The following ADAM17 variants were observed in gnomAD, a reference collection of about 807,000 sequenced individuals.
ADAM17 encodes the protein ADAM metallopeptidase domain 17, also known as disintegrin and metalloproteinase domain-containing protein 17.
Under a neutral mutation model 96.7 loss-of-function variants are expected in ADAM17, and 39 were observed. That is an observed-to-expected ratio of 0.40 (90% CI 0.31 to 0.53). The LOEUF (loss-of-function observed/expected upper bound fraction) is 0.53, where lower values mean the gene tolerates loss of function less well. Ranked by LOEUF, ADAM17 falls within the 20% of genes least tolerant of loss-of-function variation. ADAM17 has a pLI of 0.44. For missense variants in ADAM17, 777 were observed against 1,013.2 expected (o/e 0.77, Z 3.17); for synonymous variants, 344 against 359.2 (o/e 0.96, Z 0.48).
intron 18 of ADAM17, 46 bp from the exon 19 acceptor site, chr2:9,490,564 TCG>T: frequency 6.5e-7 from 1 of 1,531,876 alleles, no homozygotes; most frequent in East Asian, 2.3e-5. Context: ...AAAAGATGAA[TCG>T]GAGGTCCTCA....
chr2:9,539,030 A>G (rs1665097141), intron 2 of ADAM17, among the ~76,000 whole-genome samples: 1 of 152,194 alleles, frequency 6.6e-6, no homozygotes, highest in African/African-American at 2.4e-5. Flanking sequence ...TTCCAAAAAA[A>G]TTCAGGCAAC....
chr2:9,510,461 C>T (rs933692979), intron 10 of ADAM17, among the ~76,000 whole-genome samples: 30 of 151,748 alleles, frequency 2.0e-4, no homozygotes, highest in Non-Finnish European at 2.2e-4. Context: ...GTCAGGAGTT[C>T]GAGACCAGCC....
At chr2:9,502,496 G>C (rs981073669) in intron 12 of ADAM17, among the ~76,000 whole-genome samples, 2 of 152,118 alleles carry the variant, frequency 1.3e-5, no homozygotes, top group Admixed American at 6.5e-5. Flanking sequence ...CACACTATAG[G>C]AGAAAAGAAT....
Position 9,532,551 on chromosome 2 carries a change from A to G in ADAM17, c.450+3283T>C, listed in dbSNP as rs537861898. Among the ~76,000 whole-genome samples the G allele has an allele frequency of 7.9e-5, 12 of 152,194 alleles. No homozygotes were observed. In the East Asian group the frequency reaches 2.3e-3, roughly 29 times the overall value. ...CAGCAGTACAATCTCAGCTCACTGC[A>G]GTCTCCGCCTTCCGAATTCAACTGA... On this transcript the variant is annotated intron_variant, in intron 4 of 18. Coordinates refer to ENST00000310823, the MANE Select transcript of ADAM17 (RefSeq NM_003183.6).
rs1664293484 is a variant in ADAM17 at position 9,521,171 on chromosome 2, G to A, written c.957+32C>T. On this transcript the variant is annotated intron_variant, in intron 8 of 18. Transcript: ENST00000310823. Reference sequence around the variant, plus strand: ...CACATATCAGAAATGACAAAGTGGTGTTAGCACCATATCCAGGATTCTAAG... The same window carrying A: ...CACATATCAGAAATGACAAAGTGGTATTAGCACCATATCCAGGATTCTAAG... 2 of 1,471,384 alleles carry A rather than the reference G, an allele frequency of 1.4e-6. 1 individual carries two copies. The allele number at this position is 1,471,384 out of a possible 1,614,324, so 91.1% of individuals were successfully genotyped here.
intron 5 of ADAM17, among the ~76,000 whole-genome samples, chr2:9,527,099 G>GT (rs1309100904): frequency 6.6e-6 from 1 of 152,088 alleles, no homozygotes; most frequent in African/African-American, 2.4e-5. Flanking sequence ...GAGGTGGGCA[G>GT]ATCACTTGAG....
intron 4 of ADAM17, among the ~76,000 whole-genome samples, chr2:9,535,209 T>C (rs776520517): frequency 6.6e-6 from 1 of 152,244 alleles, no homozygotes; most frequent in Non-Finnish European, 1.5e-5. Flanking sequence ...TGATCTATTT[T>C]AGTGATATCA....
At position 9,489,710 on chromosome 2, in the gene ADAM17, G is replaced by C. The variant is rs1034868728; in HGVS notation, c.*467C>G. On this transcript the variant is annotated 3_prime_UTR_variant, in exon 19 of 19. Transcript: ENST00000310823. Reference sequence around the variant, plus strand: ...AATGTATACTAGATTTATCTCCTTTGTTTTTAGTTGAAGGCAAAAAAAAAA... The same window carrying C: ...AATGTATACTAGATTTATCTCCTTTCTTTTTAGTTGAAGGCAAAAAAAAAA... 2 of 60,324 alleles carry C rather than the reference G, an allele frequency of 3.3e-5. No homozygotes were observed. The highest frequency in any genetic ancestry group is 6.3e-5 in the Non-Finnish European group (2 of 31,824). 3.7% of individuals were successfully genotyped at this position (60,324 alleles called of 1,614,324 possible). A position where few individuals can be genotyped will look rare whatever the true frequency, so the allele number is the denominator to read the frequency against.
chr2:9,545,641 T>G (rs1171166958), intron 1 of ADAM17, among the ~76,000 whole-genome samples: 1 of 152,162 alleles, frequency 6.6e-6, no homozygotes, highest in Non-Finnish European at 1.5e-5. Flanking sequence ...AAAAAAACTT[T>G]AGCCACAAAG....
intron 10 of ADAM17, among the ~76,000 whole-genome samples, chr2:9,516,955 T>C (rs539346386): frequency 1.3e-5 from 2 of 152,150 alleles, no homozygotes; most frequent in Non-Finnish European, 2.9e-5. Context: ...CAGTAACATA[T>C]AAACAAAAGC....
intron 8 of ADAM17, among the ~76,000 whole-genome samples, chr2:9,519,759 A>G (rs767568856): frequency 6.6e-6 from 1 of 151,756 alleles, no homozygotes; most frequent in Non-Finnish European, 1.5e-5. Context: ...ACACAGGGAG[A>G]AGACAGCATC....
intron 4 of ADAM17, among the ~76,000 whole-genome samples, chr2:9,530,094 C>A (rs1481122038): frequency 1.2e-4 from 19 of 152,068 alleles, no homozygotes. Context: ...CTTTGGTAAT[C>A]CATGTATGAG....
At chr2:9,505,002 C>T (rs1663298126) in intron 12 of ADAM17, among the ~76,000 whole-genome samples, 164 bp downstream of exon 12, 1 of 152,110 alleles carries the variant, frequency 6.6e-6, no homozygotes, top group South Asian at 2.1e-4. Flanking sequence ...CCGTGCCAGG[C>T]CCAGAAAGCA....
chr2:9,510,557 G>A (rs899351364), intron 10 of ADAM17, among the ~76,000 whole-genome samples: 10 of 152,130 alleles, frequency 6.6e-5, no homozygotes, highest in Admixed American at 5.2e-4. Context: ...TCAACTACTC[G>A]GGAGGCTGAG....
chr2:9,526,259 T>TA lies in ADAM17; in HGVS notation c.620-16dup. On this transcript the variant is annotated splice_polypyrimidine_tract_variant and intron_variant, in intron 5 of 18. Transcript: ENST00000310823. ...ATGAACAAGCTCTAATATGAATTTGTATGCACTATTAAATCAAAATTCACC... is the reference window on the plus strand; with the variant it reads ...ATGAACAAGCTCTAATATGAATTTGTAATGCACTATTAAATCAAAATTCACC... The TA allele has an allele frequency of 6.2e-7, 1 of 1,607,664 alleles. No homozygotes were observed. The highest frequency in any genetic ancestry group is 8.5e-7 in the Non-Finnish European group (1 of 1,178,010).
chr2:9,501,254 AAAAAAAAGT>A (rs2124988703), intron 13 of ADAM17, among the ~76,000 whole-genome samples: 1 of 152,350 alleles, frequency 6.6e-6, no homozygotes, highest in Admixed American at 6.5e-5. Context: ...GGGCTGTTAA[AAAAAAAAGT>A]AAGAACAAGA....
intron 1 of ADAM17, among the ~76,000 whole-genome samples, chr2:9,549,807 C>G (rs554314482): frequency 9.2e-5 from 14 of 152,270 alleles, no homozygotes; most frequent in African/African-American, 2.9e-4. Flanking sequence ...TCGTGAGCCA[C>G]CGCGCCCAGC....
chr2:9,522,515 C>A lies in ADAM17; in HGVS notation c.843+734G>T. 5.8e-6 allele frequency: 3 copies of A among 519,398 alleles called. No individual in the cohort carries two copies. The South Asian group carries it at 8.8e-5, about 15-fold the overall frequency. The allele number at this position is 519,398 out of a possible 1,614,324, so 32.2% of individuals were successfully genotyped here. A position where few individuals can be genotyped will look rare whatever the true frequency, so the allele number is the denominator to read the frequency against. On this transcript the variant is annotated intron_variant, in intron 7 of 18. Transcript: ENST00000310823. ...TCTCTTAGTTTTATACAAGTAATAT[C>A]AAAGTTTAACATTTATAAACATGGT...
intron 1 of ADAM17, among the ~76,000 whole-genome samples, chr2:9,555,282 A>T (rs1665705003): frequency 6.6e-6 from 1 of 152,128 alleles, no homozygotes; most frequent in Non-Finnish European, 1.5e-5. Context: ...GCGCTCAGTC[A>T]CTACATGGAG....
Sources: allele counts gnomAD v4.1 joint callset (sites outside exome capture counted in the v4.1 genomes callset), GRCh38; gene constraint gnomAD v4.1.1; transcripts MANE v1.5; gene names NCBI Gene and HGNC (gene_info 2026-07-23, HGNC 2026-07-21).